FRMD4A: variants seen among roughly 807,000 people sequenced by gnomAD.
The protein encoded by FRMD4A is FERM domain containing 4A, also known as FERM domain-containing protein 4A.
In FRMD4A, 29 loss-of-function variants were observed where a neutral mutation model predicts 129.1. The ratio of observed to expected loss-of-function variants is 0.22; its 90% CI spans 0.17 to 0.31. FRMD4A has a LOEUF of 0.31. FRMD4A is among the 10% of genes least tolerant of loss of function. FRMD4A has a pLI of 1.00. For missense variants in FRMD4A, 1,272 were observed against 1,375.8 expected, an observed-to-expected ratio of 0.92 and a Z score of 1.19; for synonymous variants, 634 against 571.6, an observed-to-expected ratio of 1.11 and a Z score of -1.56.
chr10:14,255,485 T>C (rs1033049542), intron 2 of FRMD4A, among the ~76,000 whole-genome samples: 1 of 152,206 alleles, frequency 6.6e-6, no homozygotes, highest in Non-Finnish European at 1.5e-5. Flanking sequence ...TTGCACCGCA[T>C]ACTTGGAATT....
intron 15 of FRMD4A, among the ~76,000 whole-genome samples, chr10:13,689,611 G>A (rs865966246): frequency 5.0e-4 from 72 of 144,434 alleles, no homozygotes; most frequent in African/African-American, 1.6e-3. Context: ...TTAGTATAGT[G>A]ATACCATCAT....
chr10:13,938,258 T>C (rs1588430981), intron 2 of FRMD4A, among the ~76,000 whole-genome samples: 1 of 141,708 alleles, frequency 7.1e-6, no homozygotes, highest in Admixed American at 7.1e-5. Context: ...TTGTTTGTTT[T>C]TGAGACACAG....
At chr10:14,288,519 G>A (rs935582143) in intron 2 of FRMD4A, among the ~76,000 whole-genome samples, 2 of 152,146 alleles carry the variant, frequency 1.3e-5, no homozygotes, top group Non-Finnish European at 2.9e-5. Flanking sequence ...TGGAAGAAGA[G>A]CGATTTTGCA....
intron 2 of FRMD4A, chr10:14,097,231 T>C (rs372538468): frequency 1.3e-5 from 2 of 150,912 alleles, no homozygotes; most frequent in Non-Finnish European, 2.9e-5. Context: ...GGATTCTCTA[T>C]CTATAGTAAA....
chr10:14,150,734 G>C (rs1190231405), intron 2 of FRMD4A, among the ~76,000 whole-genome samples: 1 of 151,976 alleles, frequency 6.6e-6, no homozygotes, highest in African/African-American at 2.4e-5. Flanking sequence ...AATCCCAGGA[G>C]GTTTCCTAGG....
intron 2 of FRMD4A, among the ~76,000 whole-genome samples, 189 bp downstream of exon 2, chr10:14,329,869 C>T (rs1302497889): frequency 6.6e-6 from 1 of 152,218 alleles, no homozygotes; most frequent in Non-Finnish European, 1.5e-5. Context: ...AAATCTACAG[C>T]TTCTTTTCCC....
chr10:13,654,549 C>G (rs1452519133), intron 22 of FRMD4A, 37 bp from the exon 23 acceptor site: 2 of 1,359,154 alleles, frequency 1.5e-6, no homozygotes, highest in Non-Finnish European at 2.1e-6. Context: ...AGAGAGCAGA[C>G]AGGGATCAGA....
At chr10:14,109,453 C>G (rs1459807739) in intron 2 of FRMD4A, among the ~76,000 whole-genome samples, 1 of 152,118 alleles carries the variant, frequency 6.6e-6, no homozygotes, top group Admixed American at 6.6e-5. Context: ...AAAAAGGCAA[C>G]AGATATATAG....
At chr10:14,252,657 C>T (rs1300102668) in intron 2 of FRMD4A, among the ~76,000 whole-genome samples, 1 of 152,178 alleles carries the variant, frequency 6.6e-6, no homozygotes, top group African/African-American at 2.4e-5. Flanking sequence ...CCATTTCTGG[C>T]AATGTTAACT....
chr10:13,883,052 C>A (rs1272264576), intron 2 of FRMD4A, among the ~76,000 whole-genome samples: 2 of 152,092 alleles, frequency 1.3e-5, no homozygotes, highest in Admixed American at 1.3e-4. Flanking sequence ...GATCCTCTCG[C>A]CTCGGTCTCC....
intron 19 of FRMD4A, among the ~76,000 whole-genome samples, chr10:13,660,909 T>C (rs1314839904): frequency 2.6e-5 from 4 of 152,228 alleles, no homozygotes; most frequent in Admixed American, 6.5e-5. Flanking sequence ...AAGTTGTCTT[T>C]CAACAGATGC....
At chr10:13,795,937 A>G (rs1332827143) in intron 5 of FRMD4A, among the ~76,000 whole-genome samples, 2 of 152,208 alleles carry the variant, frequency 1.3e-5, no homozygotes, top group Non-Finnish European at 2.9e-5. Flanking sequence ...AGCACAAAAC[A>G]AAATTTCTTA....
At chr10:14,243,110 C>G (rs985433362) in intron 2 of FRMD4A, among the ~76,000 whole-genome samples, 6 of 152,116 alleles carry the variant, frequency 3.9e-5, no homozygotes, top group Non-Finnish European at 8.8e-5. Flanking sequence ...ATTATTCAGC[C>G]TTAAAAAGGA....
intron 2 of FRMD4A, among the ~76,000 whole-genome samples, chr10:14,192,484 T>C (rs1842348518): frequency 6.6e-6 from 1 of 152,266 alleles, no homozygotes; most frequent in Non-Finnish European, 1.5e-5. Context: ...TGGTGCACTG[T>C]TGTGAGATAA....
chr10:13,993,043 G>A (rs2095609195), intron 2 of FRMD4A, among the ~76,000 whole-genome samples: 1 of 151,300 alleles, frequency 6.6e-6, no homozygotes, highest in Non-Finnish European at 1.5e-5. Context: ...CTTCTCTTGC[G>A]TGTCCTATGT....
intron 19 of FRMD4A, among the ~76,000 whole-genome samples, chr10:13,662,343 CATT>C (rs1032940849): frequency 2.0e-5 from 3 of 152,190 alleles, no homozygotes; most frequent in African/African-American, 4.8e-5. Context: ...CAAGAGCAAT[CATT>C]ATTATTATTG....
intron 15 of FRMD4A, among the ~76,000 whole-genome samples, chr10:13,679,474 T>TATATATATATAC (rs1308155926): frequency 3.2e-5 from 1 of 31,488 alleles, no homozygotes; most frequent in African/African-American, 1.3e-4. Context: ...TATATATATA[T>TATATATATATAC]ACACACACAC....
intron 2 of FRMD4A, among the ~76,000 whole-genome samples, chr10:14,178,991 A>C (rs1841823355): frequency 6.6e-6 from 1 of 152,144 alleles, no homozygotes; most frequent in Admixed American, 6.5e-5. Flanking sequence ...CCCTTCTTTC[A>C]TATTTTGATG....
At chr10:13,860,705 A>G (rs948683421) in intron 2 of FRMD4A, among the ~76,000 whole-genome samples, 2 of 152,162 alleles carry the variant, frequency 1.3e-5, no homozygotes, top group South Asian at 2.1e-4. Flanking sequence ...AAAGATAAAA[A>G]AGACAGTCTC....
Sources: allele counts gnomAD v4.1 joint callset (sites outside exome capture counted in the v4.1 genomes callset), GRCh38; gene constraint gnomAD v4.1.1; transcripts MANE v1.5; gene names NCBI Gene and HGNC (gene_info 2026-07-23, HGNC 2026-07-21).